The following CADPS variants were observed in gnomAD, a reference collection of about 807,000 sequenced individuals.
CADPS encodes the protein calcium-dependent secretion activator 1.
CADPS carries 57 observed loss-of-function variants against 167.3 expected under a neutral mutation model. That is an observed-to-expected ratio of 0.34 (90% confidence interval 0.28 to 0.42). The LOEUF (loss-of-function observed/expected upper bound fraction) is 0.42, where lower values mean the gene tolerates loss of function less well. Among genes scored for constraint, CADPS ranks in the 20% least tolerant of loss-of-function variants. The pLI, the probability that CADPS is intolerant of heterozygous loss-of-function variation, is 1.00. For synonymous variants in CADPS, 676 were observed against 635.3 expected (o/e 1.06, Z -0.96); for missense variants, 1,414 against 1,738.1 (o/e 0.81, Z 3.32).
At chr3:62,563,635 C>A (rs1187378299) in intron 9 of CADPS, among the ~76,000 whole-genome samples, 1 of 152,060 alleles carries the variant, frequency 6.6e-6, no homozygotes, top group African/African-American at 2.4e-5. Context: ...TTGGTGAACC[C>A]ATCTCCCAAT....
At chr3:62,448,515 C>T (rs558060991) in intron 26 of CADPS, among the ~76,000 whole-genome samples, 1 of 152,184 alleles carries the variant, frequency 6.6e-6, no homozygotes, top group East Asian at 1.9e-4. Context: ...TATTGATCCT[C>T]CTCCCATCCC....
chr3:62,572,627 T>A (rs1008588656), intron 8 of CADPS, among the ~76,000 whole-genome samples: 2 of 152,188 alleles, frequency 1.3e-5, no homozygotes, highest in Admixed American at 1.3e-4. Flanking sequence ...TTACTTGACA[T>A]TTTTCTTTAA....
intron 18 of CADPS, among the ~76,000 whole-genome samples, chr3:62,495,540 T>C (rs1258261277): frequency 1.3e-5 from 2 of 152,220 alleles, no homozygotes; most frequent in Non-Finnish European, 2.9e-5. Flanking sequence ...TAAGGAGTTA[T>C]ACTTCGGCTA....
intron 3 of CADPS, among the ~76,000 whole-genome samples, chr3:62,742,082 C>T (rs182751922): frequency 1.3e-5 from 2 of 152,240 alleles, no homozygotes; most frequent in Admixed American, 1.3e-4. Flanking sequence ...GGTGAAAGAT[C>T]TCTACAAGGA....
At chr3:62,724,457 T>C (rs1289147748) in intron 3 of CADPS, among the ~76,000 whole-genome samples, 1 of 152,212 alleles carries the variant, frequency 6.6e-6, no homozygotes, top group Non-Finnish European at 1.5e-5. Flanking sequence ...TTTAATTTTG[T>C]CTGGTAATGA....
intron 1 of CADPS, among the ~76,000 whole-genome samples, chr3:62,787,523 A>G (rs1053721179): frequency 1.3e-5 from 2 of 152,212 alleles, no homozygotes; most frequent in Non-Finnish European, 2.9e-5. Flanking sequence ...TCGCCCTTTT[A>G]AATGTACACT....
At chr3:62,606,704 G>T (rs1210046436) in intron 6 of CADPS, among the ~76,000 whole-genome samples, 1 of 152,178 alleles carries the variant, frequency 6.6e-6, no homozygotes, top group Non-Finnish European at 1.5e-5. Flanking sequence ...TTCGGCCAAC[G>T]GGGCATTGGC....
chr3:62,492,354 T>C lies in CADPS; in HGVS notation c.2820A>G (p.Gln940=), dbSNP rs758399430. 1 of 1,613,674 alleles carries C rather than the reference T, an allele frequency of 6.2e-7. No homozygotes were observed. Among genetic ancestry groups the C allele is most frequent in the African/African-American group, 1.3e-5 (1 of 74,886 alleles). The change falls in exon 20 of 30, where the codon CAA becomes CAG. Residue 940 remains glutamine, a synonymous_variant. Coordinates refer to ENST00000383710, the MANE Select transcript of CADPS (RefSeq NM_003716.4). ...AVDMDAALEV[Q]PPDTWDSFPL... is the part of the protein sequence containing the mutation. Reference sequence around the variant, plus strand: ...GAAAACTGTCCCATGTGTCTGGAGGTTGCACCTCTAAGGCTGCATCCATGT... The same window carrying C: ...GAAAACTGTCCCATGTGTCTGGAGGCTGCACCTCTAAGGCTGCATCCATGT...
chr3:62,499,119 A>G (rs1043858315), intron 18 of CADPS, 43 bp downstream of exon 18: 1 of 1,246,174 alleles, frequency 8.0e-7, no homozygotes, highest in Non-Finnish European at 1.2e-6. Context: ...CTGCAAGCTC[A>G]GCTAAGGGAC....
chr3:62,564,117 T>A (rs956309228), intron 9 of CADPS, among the ~76,000 whole-genome samples: 9 of 152,092 alleles, frequency 5.9e-5, no homozygotes, highest in Non-Finnish European at 8.8e-5. Context: ...CTCTCCTGCC[T>A]CAGCCTCCCA....
intron 3 of CADPS, among the ~76,000 whole-genome samples, chr3:62,736,806 G>A (rs1163138603): frequency 6.6e-6 from 1 of 152,092 alleles, no homozygotes; most frequent in Non-Finnish European, 1.5e-5. Flanking sequence ...ATACCATGGC[G>A]AACAATTCTA....
chr3:62,504,632 G>T (rs1194078912), intron 17 of CADPS, among the ~76,000 whole-genome samples: 1 of 152,148 alleles, frequency 6.6e-6, no homozygotes, highest in Non-Finnish European at 1.5e-5. Flanking sequence ...TGACAGTGAG[G>T]TTTGCCACCA....
At chr3:62,772,558 T>C (rs1284058326) in intron 1 of CADPS, among the ~76,000 whole-genome samples, 1 of 152,234 alleles carries the variant, frequency 6.6e-6, no homozygotes, top group Non-Finnish European at 1.5e-5. Flanking sequence ...CTTACATTTT[T>C]TGGGTGGCTG....
intron 9 of CADPS, among the ~76,000 whole-genome samples, chr3:62,565,803 T>C (rs1364686238): frequency 6.6e-6 from 1 of 152,156 alleles, no homozygotes; most frequent in East Asian, 1.9e-4. Context: ...CCCTGGCTAG[T>C]AGGAAGTCCG....
chr3:62,584,616 T>C (rs762727748), intron 8 of CADPS, among the ~76,000 whole-genome samples: 8 of 152,250 alleles, frequency 5.3e-5, no homozygotes, highest in African/African-American at 9.6e-5. Context: ...CTGGTCTTAT[T>C]TGGCATCTTA....
chr3:62,746,017 T>C (rs972521173), intron 3 of CADPS, among the ~76,000 whole-genome samples: 1 of 152,218 alleles, frequency 6.6e-6, no homozygotes, highest in Admixed American at 6.5e-5. Flanking sequence ...GAGCCCATTT[T>C]AGGCAGAATG....
chr3:62,651,076 C>T lies in CADPS; in HGVS notation c.974G>A (p.Arg325His), dbSNP rs762611876. 16 of 1,609,960 alleles carry T rather than the reference C, an allele frequency of 9.9e-6. No homozygotes were observed. Among genetic ancestry groups the T allele is most frequent in the Middle Eastern group, 1.7e-4 (1 of 6,046 alleles). Residue 325 changes from arginine (R) to histidine (H), a missense_variant, in exon 5 of 30, where the codon CGC becomes CAC. By Grantham distance (29) the Arg-to-His change is conservative. Transcript: ENST00000383710. ...LQMADQIARE[R>H]KFPKFVSKEM... ...TTTGGATACAAACTTGGGAAATTTG[C>T]GTTCCTTGGGAAGAAAAAGAAAAGT...
chr3:62,492,169 A>T, intron 20 of CADPS, 121 bp downstream of exon 20: 1 of 829,258 alleles, frequency 1.2e-6, no homozygotes, highest in Admixed American at 2.3e-5. Flanking sequence ...GGTGGGGTTA[A>T]TCATAATAAA....
At chr3:62,682,429 T>C (rs2077288632) in intron 3 of CADPS, among the ~76,000 whole-genome samples, 1 of 152,092 alleles carries the variant, frequency 6.6e-6, no homozygotes, top group East Asian at 1.9e-4. Context: ...CTGCCTTGTG[T>C]ACACCTTCTG....
Sources: gnomAD v4.1 joint callset for allele counts (sites outside exome capture counted in the v4.1 genomes callset) on GRCh38, gnomAD v4.1.1 for gene constraint, MANE v1.5 for transcripts, NCBI Gene and HGNC (gene_info 2026-07-23, HGNC 2026-07-21) for gene names.